ABCC11: variants seen among roughly 807,000 people sequenced by gnomAD.
The protein encoded by ABCC11 is ATP binding cassette subfamily C member 11.
ABCC11 carries 135 observed loss-of-function variants against 149.3 expected under a neutral mutation model. The observed-to-expected ratio is 0.90, with a 90% confidence interval of 0.79 to 1.04. The LOEUF (loss-of-function observed/expected upper bound fraction) is 1.04, where lower values mean the gene tolerates loss of function less well. Ranked by LOEUF, ABCC11 falls within the 50% of genes least tolerant of loss-of-function variation. The probability of loss-of-function intolerance (pLI) is 0.00; values close to 1 mark genes in which losing one functional copy is unlikely to be tolerated. For synonymous variants in ABCC11, 665 were observed against 671.4 expected (o/e 0.99, Z 0.15); for missense variants, 1,680 against 1,722.1 (o/e 0.98, Z 0.43).
chr16:48,211,050 A>G lies in ABCC11; in HGVS notation c.1506T>C (p.His502=), dbSNP rs766963819. ...NGALELERNG[H]ASEGMTRPRD... Reference sequence around the variant, plus strand: ...TAGGCCTGGTCATCCCCTCAGAAGCATGCCCGTTCCTCTCCAGCTCCAGTG... The same window carrying G: ...TAGGCCTGGTCATCCCCTCAGAAGCGTGCCCGTTCCTCTCCAGCTCCAGTG... Residue 502 remains histidine (H), a synonymous_variant, in exon 11 of 30, where the codon CAT becomes CAC. Transcript: ENST00000356608. The G allele has an allele frequency of 1.2e-6, 2 of 1,614,172 alleles. No individual in the cohort carries two copies. The highest frequency in any genetic ancestry group is 3.3e-5 in the Admixed American group (2 of 60,018).
In ABCC11 at chr16:48,193,912, C is replaced by G. The variant is rs750609137; in HGVS notation, c.2475G>C (p.Trp825Cys). ...LIVFLTIFSFWWLSYWLEQGS... is the reference protein window; with the variant it reads ...LIVFLTIFSFCWLSYWLEQGS... Reference sequence around the variant, plus strand: ...CCTGCTCCAACCAGTAGCTCAGCCACCAGAAGCTGAAGATCGTTAAGAAGA... The same window carrying G: ...CCTGCTCCAACCAGTAGCTCAGCCAGCAGAAGCTGAAGATCGTTAAGAAGA... Residue 825 changes from tryptophan (W) to cysteine (C), a missense_variant, in exon 19 of 30, where the codon TGG becomes TGC. By Grantham distance (215) the Trp-to-Cys change is radical (BLOSUM62 -2). Transcript: ENST00000356608. 6.2e-7 allele frequency: 1 copy of G among 1,614,018 alleles called. No homozygotes were observed. Among genetic ancestry groups the G allele is most frequent in the Non-Finnish European group, 8.5e-7 (1 of 1,179,944 alleles).
At chr16:48,178,281 AAGC>A (rs1966211784) in intron 24 of ABCC11, among the ~76,000 whole-genome samples, 1 of 152,214 alleles carries the variant, frequency 6.6e-6, no homozygotes, top group Admixed American at 6.5e-5. Context: ...ACATAAATGG[AAGC>A]AATAATAGGA....
At chr16:48,170,042 G>T in intron 28 of ABCC11, 63 bp downstream of exon 28, 1 of 1,355,308 alleles carries the variant, frequency 7.4e-7, no homozygotes, top group South Asian at 1.2e-5. Context: ...GGGAGCCGGT[G>T]TGGCTTCCCT....
intron 1 of ABCC11, among the ~76,000 whole-genome samples, chr16:48,241,838 C>A (rs1412489181): frequency 2.6e-5 from 4 of 152,170 alleles, no homozygotes; most frequent in Non-Finnish European, 1.5e-5. Flanking sequence ...AACTGGCTAG[C>A]CATATGTAGA....
At chr16:48,221,943 T>C (rs1969770092) in intron 6 of ABCC11, among the ~76,000 whole-genome samples, 1 of 151,472 alleles carries the variant, frequency 6.6e-6, no homozygotes, top group Admixed American at 6.6e-5. Flanking sequence ...AGACAGGCTG[T>C]CACTCTGTTT....
chr16:48,212,867 T>C (rs1204886730), intron 10 of ABCC11, among the ~76,000 whole-genome samples: 1 of 152,146 alleles, frequency 6.6e-6, no homozygotes, highest in Admixed American at 6.5e-5. Context: ...GCTATGTAAA[T>C]AAGTGAAGTG....
chr16:48,198,232 T>A lies in ABCC11; in HGVS notation c.2126A>T (p.Lys709Ile). 6 of 1,614,244 alleles carry A rather than the reference T, an allele frequency of 3.7e-6. No homozygotes were observed. The highest frequency in any genetic ancestry group is 5.1e-6 in the Non-Finnish European group (6 of 1,180,050). Reference sequence around the variant, plus strand: ...ACTGTGAGTTCCATTTTCACAGATTTTCCCATTTTCCAACAAAATGATCTG... The same window carrying A: ...ACTGTGAGTTCCATTTTCACAGATTATCCCATTTTCCAACAAAATGATCTG... The part of the protein sequence containing the change: ...CGQIILLENG[K>I]ICENGTHSEL... The change falls in exon 16 of 30, where the codon AAA becomes ATA. Residue 709 changes from lysine to isoleucine, a missense_variant. Physicochemically the swap from Lys to Ile is moderately radical, Grantham distance 102. Coordinates refer to ENST00000356608, the MANE Select transcript of ABCC11 (RefSeq NM_001370497.1).
intron 26 of ABCC11, among the ~76,000 whole-genome samples, chr16:48,172,772 T>G (rs1965802214): frequency 6.6e-6 from 1 of 152,208 alleles, no homozygotes; most frequent in African/African-American, 2.4e-5. Context: ...GGTAGCTCAT[T>G]GTTGGGGGGC....
At chr16:48,188,156 G>A (rs1377098698) in intron 20 of ABCC11, among the ~76,000 whole-genome samples, 1 of 152,216 alleles carries the variant, frequency 6.6e-6, no homozygotes, top group African/African-American at 2.4e-5. Context: ...GCAGCTCTCA[G>A]CACACTGCCT....
intron 13 of ABCC11, among the ~76,000 whole-genome samples, chr16:48,204,473 C>A (rs1461307260): frequency 1.3e-5 from 2 of 152,128 alleles, no homozygotes; most frequent in African/African-American, 4.8e-5. Context: ...CGATCGGTGA[C>A]CAATTACCAA....
At chr16:48,179,415 C>A (rs1966289919) in intron 23 of ABCC11, among the ~76,000 whole-genome samples, 1 of 152,240 alleles carries the variant, frequency 6.6e-6, no homozygotes. Flanking sequence ...CGTCTAGAAG[C>A]TGGAGGCAGA....
At chr16:48,220,889 G>A (rs1969688647) in intron 6 of ABCC11, among the ~76,000 whole-genome samples, 1 of 152,214 alleles carries the variant, frequency 6.6e-6, no homozygotes, top group Non-Finnish European at 1.5e-5. Context: ...AATGGTTTGT[G>A]TCTTTGAAGG....
intron 12 of ABCC11, 79 bp downstream of exon 12, chr16:48,208,346 G>A (rs1596772382): frequency 6.5e-7 from 1 of 1,546,274 alleles, no homozygotes; most frequent in Admixed American, 1.8e-5. Flanking sequence ...AGCAGTGGGG[G>A]GCCCCGCCTG....
chr16:48,224,895 C>T (rs117437537), intron 4 of ABCC11, among the ~76,000 whole-genome samples: 12,713 of 152,060 alleles, frequency 0.084, 562 homozygotes, highest in Middle Eastern at 0.11. Flanking sequence ...CGGTGGCATG[C>T]GCCTGTAATC....
At chr16:48,204,767 G>A (rs117081790) in intron 13 of ABCC11, among the ~76,000 whole-genome samples, 3 of 152,302 alleles carry the variant, frequency 2.0e-5, no homozygotes, top group South Asian at 2.1e-4. Flanking sequence ...AGTTGGAAGC[G>A]TAGCTGTAGC....
chr16:48,217,324 T>C (rs1252336060), intron 6 of ABCC11, among the ~76,000 whole-genome samples: 1 of 152,138 alleles, frequency 6.6e-6, no homozygotes, highest in Non-Finnish European at 1.5e-5. Context: ...GGCTCAACGC[T>C]ATATAAAAAG....
chr16:48,237,686 G>A (rs576103614), intron 1 of ABCC11, among the ~76,000 whole-genome samples: 1 of 152,248 alleles, frequency 6.6e-6, no homozygotes, highest in South Asian at 2.1e-4. Context: ...AGCCTACAGA[G>A]CCCTCTATAA....
chr16:48,242,965 G>A (rs2150944795), intron 1 of ABCC11, among the ~76,000 whole-genome samples: 1 of 152,112 alleles, frequency 6.6e-6, no homozygotes, highest in South Asian at 2.1e-4. Context: ...ACGAGTTAGT[G>A]AGTGCAGCAA....
chr16:48,216,335 ACAGAAGGGG>A, intron 6 of ABCC11, 48 bp from the exon 7 acceptor site: 9 of 1,584,600 alleles, frequency 5.7e-6, no homozygotes, highest in Non-Finnish European at 7.8e-6. Flanking sequence ...CCCTGGGTAC[ACAGAAGGGG>A]TGGCAGGTGG....
Sources: gnomAD v4.1 joint callset for allele counts (sites outside exome capture counted in the v4.1 genomes callset) on GRCh38, gnomAD v4.1.1 for gene constraint, MANE v1.5 for transcripts, NCBI Gene and HGNC (gene_info 2026-07-23, HGNC 2026-07-21) for gene names.